NTM: variants seen among roughly 807,000 people sequenced by gnomAD.
NTM encodes the protein neurotrimin.
NTM carries 13 observed loss-of-function variants against 42.1 expected under a neutral mutation model. The observed-to-expected ratio is 0.31, with a 90% confidence interval of 0.20 to 0.49. The LOEUF is 0.49. NTM is among the 20% of genes least tolerant of loss of function. The pLI is 0.99. For synonymous variants in NTM, 187 were observed against 179.2 expected (o/e 1.04, Z -0.35); for missense variants, 373 against 452.8 (o/e 0.82, Z 1.60).
chr11:132,050,416 A>G (rs1320657), intron 2 of NTM, among the ~76,000 whole-genome samples: 2,920 of 152,190 alleles, frequency 0.019, 37 homozygotes, highest in South Asian at 0.048. Context: ...CCTGAAATTG[A>G]TTCCTAACAA....
chr11:132,169,634 A>C (rs1591981432), intron 3 of NTM, among the ~76,000 whole-genome samples: 1 of 151,898 alleles, frequency 6.6e-6, no homozygotes, highest in Non-Finnish European at 1.5e-5. Context: ...GTGCCGGGCC[A>C]ATTTTTTACT....
intron 3 of NTM, among the ~76,000 whole-genome samples, chr11:132,173,832 G>T (rs546911436): frequency 7.2e-5 from 11 of 152,314 alleles, no homozygotes; most frequent in Non-Finnish European, 1.3e-4. Context: ...TCTGTAACAG[G>T]TAGCAGTTGT....
intron 2 of NTM, among the ~76,000 whole-genome samples, chr11:131,962,615 A>G (rs2062343398): frequency 6.6e-6 from 1 of 152,142 alleles, no homozygotes; most frequent in South Asian, 2.1e-4. Context: ...TGAGGAACAA[A>G]TGTTTGAACC....
chr11:132,127,507 A>G (rs1170762442), intron 2 of NTM, among the ~76,000 whole-genome samples: 2 of 152,180 alleles, frequency 1.3e-5, no homozygotes, highest in African/African-American at 2.4e-5. Flanking sequence ...ACATCACACA[A>G]TCGTGCCCTT....
At chr11:131,871,150 G>A (rs560218801) in intron 1 of NTM, among the ~76,000 whole-genome samples, 2 of 152,224 alleles carry the variant, frequency 1.3e-5, no homozygotes, top group African/African-American at 4.8e-5. Flanking sequence ...CATGTGAGTG[G>A]GTATGCTTGT....
chr11:132,116,924 G>C (rs142571691), intron 2 of NTM, among the ~76,000 whole-genome samples: 1 of 152,134 alleles, frequency 6.6e-6, no homozygotes, highest in South Asian at 2.1e-4. Context: ...AAGGAGCCCA[G>C]GTCGAAGAAA....
chr11:131,540,309 C>T (rs112898855), intron 1 of NTM, among the ~76,000 whole-genome samples: 39 of 152,088 alleles, frequency 2.6e-4, no homozygotes, highest in African/African-American at 8.7e-4. Context: ...GGACTACAGG[C>T]GCATGCCACC....
chr11:131,555,158 T>C (rs2055234980), intron 1 of NTM, among the ~76,000 whole-genome samples: 3 of 152,102 alleles, frequency 2.0e-5, no homozygotes, highest in African/African-American at 7.2e-5. Flanking sequence ...TGAGACCCAG[T>C]CTCAAAAACA....
chr11:131,422,845 T>G (rs1275063946), intron 1 of NTM, among the ~76,000 whole-genome samples: 2 of 152,246 alleles, frequency 1.3e-5, no homozygotes, highest in African/African-American at 2.4e-5. Context: ...TTTAAATAGT[T>G]GTTGAATATT....
At chr11:131,525,662 G>A (rs1178779911) in intron 1 of NTM, among the ~76,000 whole-genome samples, 5 of 152,164 alleles carry the variant, frequency 3.3e-5, no homozygotes, top group South Asian at 2.1e-4. Context: ...TTGCTTTCCC[G>A]TGATTATTCA....
At chr11:132,082,667 T>C (rs1286623182) in intron 2 of NTM, among the ~76,000 whole-genome samples, 3 of 152,176 alleles carry the variant, frequency 2.0e-5, no homozygotes, top group Admixed American at 2.0e-4. Flanking sequence ...GAAGTACATA[T>C]AACTGCTGTT....
At chr11:131,857,022 G>C (rs1166825288) in intron 1 of NTM, among the ~76,000 whole-genome samples, 2 of 152,016 alleles carry the variant, frequency 1.3e-5, no homozygotes. Flanking sequence ...TAATCTTAAA[G>C]TATCTAAGAA....
At chr11:131,780,492 T>C (rs2087877746) in intron 1 of NTM, among the ~76,000 whole-genome samples, 1 of 152,054 alleles carries the variant, frequency 6.6e-6, no homozygotes, top group Admixed American at 6.6e-5. Context: ...AAGAAGTGGG[T>C]GTATGGGTCT....
At chr11:131,584,888 A>C (rs923673363) in intron 1 of NTM, among the ~76,000 whole-genome samples, 11 of 152,152 alleles carry the variant, frequency 7.2e-5, no homozygotes, top group Non-Finnish European at 1.2e-4. Flanking sequence ...TCAGTGCTGC[A>C]TCGGGCCTGG....
At chr11:132,254,619 T>G (rs894772521) in intron 4 of NTM, among the ~76,000 whole-genome samples, 4 of 152,120 alleles carry the variant, frequency 2.6e-5, no homozygotes, top group African/African-American at 9.7e-5. Flanking sequence ...ATTTTTCTTC[T>G]CCAATGTGAT....
chr11:132,273,879 C>T (rs2093607644), intron 4 of NTM, among the ~76,000 whole-genome samples: 1 of 152,098 alleles, frequency 6.6e-6, no homozygotes, highest in African/African-American at 2.4e-5. Context: ...TGCACTCCAG[C>T]CTGGGCAATA....
At chr11:131,643,246 T>G (rs2065355716) in intron 1 of NTM, among the ~76,000 whole-genome samples, 1 of 152,190 alleles carries the variant, frequency 6.6e-6, no homozygotes, top group South Asian at 2.1e-4. Context: ...CAGAGTGAGT[T>G]AAGGGATGAT....
At chr11:131,795,283 G>C (rs2091433400) in intron 1 of NTM, 1 of 529,484 alleles carries the variant, frequency 1.9e-6, no homozygotes, top group Non-Finnish European at 2.4e-6. Flanking sequence ...TTATAGGGTT[G>C]TTGTTAGGAT....
At chr11:132,149,013 C>A (rs1249541083) in intron 3 of NTM, among the ~76,000 whole-genome samples, 1 of 152,076 alleles carries the variant, frequency 6.6e-6, no homozygotes, top group Non-Finnish European at 1.5e-5. Context: ...TGGAAACAAG[C>A]TGGGTTAAAA....
Sources: gnomAD v4.1 joint callset for allele counts (sites outside exome capture counted in the v4.1 genomes callset) on GRCh38, gnomAD v4.1.1 for gene constraint, MANE v1.5 for transcripts, NCBI Gene and HGNC (gene_info 2026-07-23, HGNC 2026-07-21) for gene names.